Variants in PAX5 observed in about 807,000 individuals in gnomAD.
PAX5 encodes paired box 5.
A neutral mutation model predicts 43.7 loss-of-function variants in PAX5; 9 were observed. That is an observed-to-expected ratio of 0.21 (90% CI 0.12 to 0.36). PAX5 has a LOEUF of 0.36. PAX5 is among the 10% of genes least tolerant of loss of function. PAX5 has a pLI of 1.00. For missense variants in PAX5, 383 were observed against 532.7 expected (o/e 0.72, Z 2.77); for synonymous variants, 228 against 214.3 (o/e 1.06, Z -0.56).
At chr9:36,892,959 A>G (rs562236321) in intron 7 of PAX5, among the ~76,000 whole-genome samples, 3 of 152,230 alleles carry the variant, frequency 2.0e-5, no homozygotes, top group African/African-American at 7.2e-5. Context: ...TACTGAAAAT[A>G]TACAGAAGAC....
intron 2 of PAX5, 77 bp downstream of exon 2, chr9:37,020,559 C>T: frequency 3.6e-6 from 5 of 1,407,846 alleles, no homozygotes; most frequent in Non-Finnish European, 5.0e-6. Flanking sequence ...ATGATACTGT[C>T]ATATTGGACA....
chr9:37,028,817 A>T (rs887623672), intron 1 of PAX5, among the ~76,000 whole-genome samples: 18 of 152,232 alleles, frequency 1.2e-4, no homozygotes, highest in African/African-American at 4.3e-4. Flanking sequence ...CTACAGGGGA[A>T]GTTCCTGTCC....
intron 6 of PAX5, among the ~76,000 whole-genome samples, chr9:36,936,364 A>C (rs917358378): frequency 7.9e-5 from 12 of 152,206 alleles, no homozygotes; most frequent in African/African-American, 2.9e-4. Context: ...CCAGAGCCTA[A>C]TGTGGACAAA....
chr9:36,942,700 G>T (rs1309360352), intron 6 of PAX5, among the ~76,000 whole-genome samples: 4 of 152,254 alleles, frequency 2.6e-5, no homozygotes, highest in African/African-American at 9.6e-5. Context: ...GAGGCACAGA[G>T]AGATGAAGTG....
intron 5 of PAX5, among the ~76,000 whole-genome samples, chr9:36,992,861 G>A (rs1308914712): frequency 6.6e-6 from 1 of 152,224 alleles, no homozygotes; most frequent in East Asian, 1.9e-4. Context: ...GCCCTGCCAG[G>A]GTTGGAAGAA....
At chr9:36,997,266 G>A (rs781169556) in intron 5 of PAX5, among the ~76,000 whole-genome samples, 11 of 152,150 alleles carry the variant, frequency 7.2e-5, no homozygotes, top group Non-Finnish European at 1.3e-4. Flanking sequence ...CACTTGCAAC[G>A]TACCCCTACT....
intron 9 of PAX5, 81 bp downstream of exon 9, chr9:36,846,762 C>G (rs1031579351): frequency 1.0e-6 from 1 of 976,822 alleles, no homozygotes; most frequent in African/African-American, 1.6e-5. Flanking sequence ...CTCAGGATGT[C>G]GAGGGACCCA....
chr9:37,006,352 G>C (rs767378378), intron 4 of PAX5, 121 bp downstream of exon 4: 121 of 632,064 alleles, frequency 1.9e-4, no homozygotes, highest in Middle Eastern at 8.6e-4. Context: ...CAAAGAAGGC[G>C]CATTAGTACG....
At chr9:36,883,176 G>C (rs1826602357) in intron 7 of PAX5, among the ~76,000 whole-genome samples, 1 of 152,262 alleles carries the variant, frequency 6.6e-6, no homozygotes, top group South Asian at 2.1e-4. Flanking sequence ...TGCCCCCTGG[G>C]AGTGGATCCT....
chr9:36,973,951 G>T (rs184487130), intron 5 of PAX5, among the ~76,000 whole-genome samples: 136 of 152,292 alleles, frequency 8.9e-4, no homozygotes, highest in African/African-American at 3.2e-3. Flanking sequence ...GGTGAGCCAA[G>T]ATCATGCCAT....
In PAX5 at chr9:36,966,675, G is replaced by A. The variant is rs2132194811; in HGVS notation, c.654C>T (p.Asp218=). 6.2e-7 allele frequency: 1 copy of A among 1,614,242 alleles called. No homozygotes were observed. ...CTCCCCGCATCTGCTTCCGGAGGAA[G>A]TCTCTGCCCGGAAGCGAGTGGCCGT... The part of the protein sequence containing the change: ...VPNGHSLPGR[D]FLRKQMRGDL... The change falls in exon 6 of 10, where the codon GAC becomes GAT. Residue 218 remains aspartate, a synonymous_variant. Coordinates refer to ENST00000358127, the MANE Select transcript of PAX5 (RefSeq NM_016734.3).
intron 8 of PAX5, among the ~76,000 whole-genome samples, chr9:36,863,904 C>A (rs140069825): frequency 2.9e-4 from 44 of 152,134 alleles, no homozygotes; most frequent in Admixed American, 2.2e-3. Context: ...AGGTCAGGAG[C>A]TCAAGACCAG....
intron 5 of PAX5, among the ~76,000 whole-genome samples, chr9:36,986,667 T>C (rs3174276): frequency 0.73 from 110,584 of 151,918 alleles, 40,597 homozygotes; most frequent in South Asian, 0.88. Flanking sequence ...CCCCGAGGAC[T>C]CCCGGCCGGT....
intron 8 of PAX5, among the ~76,000 whole-genome samples, chr9:36,867,154 G>C (rs888699420): frequency 6.6e-6 from 1 of 152,068 alleles, no homozygotes; most frequent in Admixed American, 6.6e-5. Context: ...CGTTCCTGGG[G>C]AGTTCTTCTC....
intron 8 of PAX5, among the ~76,000 whole-genome samples, chr9:36,862,990 G>A (rs1271315102): frequency 5.3e-5 from 8 of 152,210 alleles, no homozygotes. Flanking sequence ...GACTGGACAA[G>A]TGGGGACTGA....
rs1831745973 is a variant in PAX5 at position 36,938,422 on chromosome 9, T to C, written c.781-14938A>G. On this transcript the variant is annotated intron_variant, in intron 6 of 9. Transcript: ENST00000358127. The stretch of plus-strand genomic sequence containing the variant: ...ACACACATATATTAATTTAGACTCC[T>C]GATTTTATTTCCTTCACCTCTTTCC... Among the ~76,000 whole-genome samples the C allele has an allele frequency of 2.6e-5, 4 of 152,312 alleles. No homozygotes were observed. The South Asian group carries it at 8.3e-4, about 32-fold the overall frequency.
chr9:36,891,638 T>G (rs12551556), intron 7 of PAX5, among the ~76,000 whole-genome samples: 6,315 of 152,300 alleles, frequency 0.041, 164 homozygotes, highest in Middle Eastern at 0.099. Flanking sequence ...ATGTGCTAAT[T>G]GCAGATGAGC....
chr9:37,029,108 C>T (rs1457150373), intron 1 of PAX5, among the ~76,000 whole-genome samples: 2 of 152,168 alleles, frequency 1.3e-5, no homozygotes, highest in African/African-American at 4.8e-5. Context: ...AGTGATGATC[C>T]GCTAATATTA....
intron 2 of PAX5, among the ~76,000 whole-genome samples, chr9:37,019,782 G>A (rs1588246286): frequency 6.6e-6 from 1 of 152,160 alleles, no homozygotes; most frequent in Non-Finnish European, 1.5e-5. Flanking sequence ...AAGATCACAT[G>A]CCCAGAAACA....
Sources: allele counts gnomAD v4.1 joint callset (sites outside exome capture counted in the v4.1 genomes callset), GRCh38; gene constraint gnomAD v4.1.1; transcripts MANE v1.5; gene names NCBI Gene and HGNC (gene_info 2026-07-23, HGNC 2026-07-21).